Variants in ADAMTS3 observed in about 807,000 individuals in gnomAD.
ADAMTS3 encodes the protein ADAM metallopeptidase with thrombospondin type 1 motif 3.
In ADAMTS3, 73 loss-of-function variants were observed where a neutral mutation model predicts 129.0. The ratio of observed to expected loss-of-function variants is 0.57; its 90% CI spans 0.47 to 0.69. The LOEUF (loss-of-function observed/expected upper bound fraction) is 0.69. ADAMTS3 is among the 30% of genes least tolerant of loss of function. The probability of loss-of-function intolerance (pLI) is 0.00; values close to 1 mark genes in which losing one functional copy is unlikely to be tolerated. For missense variants in ADAMTS3, 1,457 were observed against 1,514.5 expected, an observed-to-expected ratio of 0.96 and a Z score of 0.63; for synonymous variants, 477 against 510.8, an observed-to-expected ratio of 0.93 and a Z score of 0.89.
chr4:72,412,425 T>G (rs1391501140), intron 4 of ADAMTS3, among the ~76,000 whole-genome samples: 2 of 152,024 alleles, frequency 1.3e-5, no homozygotes, highest in African/African-American at 4.8e-5. Flanking sequence ...ATGTTCTTAA[T>G]TTACAGTTGG....
intron 3 of ADAMTS3, among the ~76,000 whole-genome samples, chr4:72,435,391 G>A (rs1429488455): frequency 6.6e-6 from 1 of 151,548 alleles, no homozygotes; most frequent in African/African-American, 2.4e-5. Flanking sequence ...AGGACCAACT[G>A]TATATTGAAA....
intron 3 of ADAMTS3, among the ~76,000 whole-genome samples, chr4:72,528,290 C>CTATA (rs1720867116): frequency 6.6e-6 from 1 of 151,666 alleles, no homozygotes; most frequent in East Asian, 1.9e-4. Flanking sequence ...AAGAGACACA[C>CTATA]TATATATCTA....
intron 11 of ADAMTS3, among the ~76,000 whole-genome samples, chr4:72,315,437 G>A (rs546958597): frequency 2.0e-5 from 3 of 152,220 alleles, no homozygotes; most frequent in African/African-American, 7.2e-5. Flanking sequence ...ATAAAGATGA[G>A]GAAAACGCAA....
chr4:72,553,165 T>C (rs1721684369), intron 2 of ADAMTS3, among the ~76,000 whole-genome samples: 1 of 152,168 alleles, frequency 6.6e-6, no homozygotes, highest in Admixed American at 6.6e-5. Context: ...GACGGCAAAC[T>C]GTACAAGTCA....
At chr4:72,344,926 A>G (rs1720240782) in intron 4 of ADAMTS3, among the ~76,000 whole-genome samples, 1 of 152,192 alleles carries the variant, frequency 6.6e-6, no homozygotes, top group South Asian at 2.1e-4. Context: ...TAGGTCACCC[A>G]TCTAATGAGT....
intron 3 of ADAMTS3, among the ~76,000 whole-genome samples, chr4:72,547,625 G>T (rs1721499514): frequency 6.6e-6 from 1 of 152,166 alleles, no homozygotes; most frequent in African/African-American, 2.4e-5. Flanking sequence ...CTATGGTGAA[G>T]AGACAGTTTT....
chr4:72,320,041 G>C, intron 7 of ADAMTS3, 78 bp from the exon 8 acceptor site: 1 of 1,179,416 alleles, frequency 8.5e-7, no homozygotes, highest in East Asian at 2.5e-5. Context: ...TTTTGCCTAG[G>C]GGGAAAAAAG....
intron 4 of ADAMTS3, among the ~76,000 whole-genome samples, chr4:72,345,624 C>T (rs192907943): frequency 7.8e-4 from 118 of 152,112 alleles, no homozygotes; most frequent in African/African-American, 2.8e-3. Context: ...TCACTAAGTA[C>T]CTGTTGCTTT....
chr4:72,295,883 T>A, intron 18 of ADAMTS3, 97 bp from the exon 19 acceptor site: 1 of 1,447,926 alleles, frequency 6.9e-7, no homozygotes, highest in South Asian at 1.3e-5. Context: ...ATTCATCCAT[T>A]CAATAAATAT....
At chr4:72,451,604 T>C (rs931604779) in intron 3 of ADAMTS3, among the ~76,000 whole-genome samples, 7 of 151,676 alleles carry the variant, frequency 4.6e-5, no homozygotes, top group South Asian at 2.1e-4. Context: ...GACACAGAAA[T>C]AGACTGACAC....
chr4:72,389,742 A>C (rs964670120), intron 4 of ADAMTS3, among the ~76,000 whole-genome samples: 1 of 152,210 alleles, frequency 6.6e-6, no homozygotes, highest in African/African-American at 2.4e-5. Flanking sequence ...TATAAAGATA[A>C]TGGGTACCAT....
intron 4 of ADAMTS3, among the ~76,000 whole-genome samples, chr4:72,406,300 G>T (rs1246969216): frequency 6.6e-6 from 1 of 152,112 alleles, no homozygotes; most frequent in African/African-American, 2.4e-5. Context: ...CCAGCCACAG[G>T]AACCCATACT....
chr4:72,376,676 T>C (rs1486651047), intron 4 of ADAMTS3, among the ~76,000 whole-genome samples: 1 of 152,214 alleles, frequency 6.6e-6, no homozygotes, highest in Non-Finnish European at 1.5e-5. Context: ...GTGATGATGA[T>C]GTTGCTGATT....
At chr4:72,374,864 T>C (rs1721098851) in intron 4 of ADAMTS3, among the ~76,000 whole-genome samples, 1 of 152,196 alleles carries the variant, frequency 6.6e-6, no homozygotes, top group Non-Finnish European at 1.5e-5. Context: ...TAAAATCTCT[T>C]GCTCTTGATA....
intron 3 of ADAMTS3, among the ~76,000 whole-genome samples, chr4:72,547,597 G>A (rs542201725): frequency 8.5e-5 from 13 of 152,218 alleles, no homozygotes; most frequent in African/African-American, 3.1e-4. Flanking sequence ...AAGTGTCACT[G>A]CCTGTTTCTC....
At chr4:72,370,003 G>A (rs1720964276) in intron 4 of ADAMTS3, among the ~76,000 whole-genome samples, 1 of 152,164 alleles carries the variant, frequency 6.6e-6, no homozygotes, top group African/African-American at 2.4e-5. Context: ...GTGAGCCCTT[G>A]AGGCCTTCAT....
At chr4:72,316,803 TATCATA>T (rs1719410347) in intron 10 of ADAMTS3, among the ~76,000 whole-genome samples, 1 of 151,988 alleles carries the variant, frequency 6.6e-6, no homozygotes, top group Non-Finnish European at 1.5e-5. Context: ...TACAACAAAA[TATCATA>T]ATACATTCAT....
chr4:72,325,011 A>G (rs1328691941), intron 5 of ADAMTS3, among the ~76,000 whole-genome samples: 2 of 152,138 alleles, frequency 1.3e-5, no homozygotes, highest in Non-Finnish European at 2.9e-5. Flanking sequence ...TCATAGGGTT[A>G]GGGTGAGAAT....
At chr4:72,346,907 C>T (rs1720300910) in intron 4 of ADAMTS3, among the ~76,000 whole-genome samples, 1 of 152,102 alleles carries the variant, frequency 6.6e-6, no homozygotes, top group South Asian at 2.1e-4. Context: ...GCACATTCAC[C>T]TGGCATGGCC....
Sources: gnomAD v4.1 joint callset for allele counts (sites outside exome capture counted in the v4.1 genomes callset) on GRCh38, gnomAD v4.1.1 for gene constraint, MANE v1.5 for transcripts, NCBI Gene and HGNC (gene_info 2026-07-23, HGNC 2026-07-21) for gene names.